LRCH1: variants seen among roughly 807,000 people sequenced by gnomAD.
LRCH1 encodes the protein leucine rich repeats and calponin homology domain containing 1.
Under a neutral mutation model 94.9 loss-of-function variants are expected in LRCH1, and 23 were observed. That is an observed-to-expected ratio of 0.24 (90% CI 0.17 to 0.34). LRCH1 has a LOEUF of 0.34. Among genes scored for constraint, LRCH1 ranks in the 10% least tolerant of loss-of-function variants. The pLI is 1.00. For missense variants in LRCH1, 790 were observed against 945.9 expected, an observed-to-expected ratio of 0.84 and a Z score of 2.16; for synonymous variants, 364 against 354.9, an observed-to-expected ratio of 1.03 and a Z score of -0.29.
At position 46,683,732 on chromosome 13, in the gene LRCH1, C is replaced by T. The variant is rs192454571; in HGVS notation, c.685+1886C>T. ...AGATTTTTGTCTCTCTCTGGTTCCT[C>T]ATTTTCTTACCTTAAAAGCATTCCT... On this transcript the variant is annotated intron_variant, in intron 4 of 19. Transcript: ENST00000389797. 3.9e-3 allele frequency among the ~76,000 whole-genome samples: 590 copies of T among 152,266 alleles called. 2 individuals are homozygous for T. The highest frequency in any genetic ancestry group is 0.014 in the African/African-American group (572 of 41,564).
At chr13:46,713,567 T>C (rs948153597) in intron 15 of LRCH1, among the ~76,000 whole-genome samples, 1 of 152,234 alleles carries the variant, frequency 6.6e-6, no homozygotes, top group African/African-American at 2.4e-5. Context: ...GGTGTAATGG[T>C]TTCCTGGCAG....
intron 11 of LRCH1, 59 bp downstream of exon 11, chr13:46,701,266 G>A: frequency 8.3e-7 from 1 of 1,206,678 alleles, no homozygotes; most frequent in Non-Finnish European, 1.2e-6. Context: ...AATGTATGGA[G>A]TACATTGTCT....
chr13:46,699,026 C>T (rs576724346), intron 9 of LRCH1, among the ~76,000 whole-genome samples: 1 of 152,326 alleles, frequency 6.6e-6, no homozygotes, highest in South Asian at 2.1e-4. Context: ...ACTGTAGACA[C>T]CTCATATAAG....
chr13:46,610,024 T>A (rs1435746822), intron 1 of LRCH1, among the ~76,000 whole-genome samples: 1 of 152,208 alleles, frequency 6.6e-6, no homozygotes. Flanking sequence ...ACTTTCTTTT[T>A]CTCCTTTTTG....
chr13:46,558,598 A>AAAAAAAAAAAAAAAAT (rs2050094662), intron 1 of LRCH1, among the ~76,000 whole-genome samples: 2 of 143,678 alleles, frequency 1.4e-5, no homozygotes, highest in African/African-American at 5.1e-5. Context: ...AAAAAAAAAA[A>AAAAAAAAAAAAAAAAT]GCTGGGTTCC....
Position 46,647,409 on chromosome 13 carries a change from C to T in LRCH1, c.308-2792C>T, listed in dbSNP as rs148642947. The stretch of plus-strand genomic sequence containing the variant: ...TTTTTTCATATGATTAAGAGCCATT[C>T]GTATATCATTTTCTGTGAGCCATCT... On this transcript the variant is annotated intron_variant, in intron 1 of 19. Transcript: ENST00000389797. Among the ~76,000 whole-genome samples, 23 of 152,010 alleles carry T rather than the reference C, an allele frequency of 1.5e-4. 1 individual carries two copies. In the East Asian group the frequency reaches 3.3e-3, roughly 22 times the overall value.
chr13:46,632,210 A>C (rs1376660501), intron 1 of LRCH1, among the ~76,000 whole-genome samples: 1 of 152,148 alleles, frequency 6.6e-6, no homozygotes, highest in Non-Finnish European at 1.5e-5. Context: ...CTAAAAAAAA[A>C]AAACAAACCT....
At chr13:46,594,696 C>T (rs531027890) in intron 1 of LRCH1, among the ~76,000 whole-genome samples, 1 of 152,158 alleles carries the variant, frequency 6.6e-6, no homozygotes, top group African/African-American at 2.4e-5. Flanking sequence ...CATATGAGTT[C>T]ATAAGTAGGA....
At chr13:46,684,710 A>G (rs1211468130) in intron 4 of LRCH1, among the ~76,000 whole-genome samples, 1 of 152,172 alleles carries the variant, frequency 6.6e-6, no homozygotes, top group Non-Finnish European at 1.5e-5. Flanking sequence ...TCATGATTCC[A>G]GGGTCCTCCA....
chr13:46,601,890 T>C (rs915621469), intron 1 of LRCH1, among the ~76,000 whole-genome samples: 3 of 152,240 alleles, frequency 2.0e-5, no homozygotes, highest in South Asian at 2.1e-4. Flanking sequence ...TTGGACTTTG[T>C]AGCTGCTTTC....
rs575563604 is a variant in LRCH1 at position 46,601,212 on chromosome 13, C to T, written c.307+47509C>T. Reference sequence around the variant, plus strand: ...TTCCTCAGAGCCCGCAGCATGATTCCTTGTGTGGAGAATATGCATCAGCCT... The same window carrying T: ...TTCCTCAGAGCCCGCAGCATGATTCTTTGTGTGGAGAATATGCATCAGCCT... On this transcript the variant is annotated intron_variant, in intron 1 of 19. Coordinates refer to ENST00000389797, the MANE Select transcript of LRCH1 (RefSeq NM_001164211.2). 3.3e-5 allele frequency among the ~76,000 whole-genome samples: 5 copies of T among 152,280 alleles called. No homozygotes were observed. In the East Asian group the frequency reaches 9.6e-4, roughly 29 times the overall value.
At chr13:46,617,243 C>T (rs1233440750) in intron 1 of LRCH1, among the ~76,000 whole-genome samples, 3 of 152,108 alleles carry the variant, frequency 2.0e-5, no homozygotes, top group Non-Finnish European at 4.4e-5. Context: ...GTCAGCCCTT[C>T]ATTTCAGGCA....
At position 46,673,746 on chromosome 13, in the gene LRCH1, A is replaced by ATTT. The variant is rs546225715; in HGVS notation, c.579+4614_579+4616dup. On this transcript the variant is annotated intron_variant, in intron 3 of 19. Coordinates refer to ENST00000389797, the MANE Select transcript of LRCH1 (RefSeq NM_001164211.2). ...TTAGACTCAGAGTATTCCAAATGGA[A>ATTT]TTTTTTTTTTTTTTTTTTTTTTTTT... is the stretch of plus-strand genomic sequence containing the variant. Among the ~76,000 whole-genome samples the ATTT allele has an allele frequency of 7.4e-5, 8 of 108,268 alleles. 1 individual carries two copies. The highest frequency in any genetic ancestry group is 2.2e-4 in the African/African-American group (6 of 27,292). The allele number at this position is 108,268 out of a possible 152,430, so 71.0% of individuals were successfully genotyped here.
intron 1 of LRCH1, among the ~76,000 whole-genome samples, chr13:46,633,343 A>G (rs901900220): frequency 6.6e-6 from 1 of 152,226 alleles, no homozygotes; most frequent in Non-Finnish European, 1.5e-5. Flanking sequence ...TTTCTAAAGC[A>G]TGGATCGTGT....
intron 2 of LRCH1, among the ~76,000 whole-genome samples, chr13:46,665,341 G>C (rs1228055730): frequency 6.6e-6 from 1 of 152,062 alleles, no homozygotes; most frequent in African/African-American, 2.4e-5. Context: ...TACTCTAAAA[G>C]TAAAACCAGA....
At chr13:46,577,418 C>T (rs1028568546) in intron 1 of LRCH1, among the ~76,000 whole-genome samples, 4 of 152,194 alleles carry the variant, frequency 2.6e-5, no homozygotes, top group African/African-American at 4.8e-5. Flanking sequence ...CTTTTAAAGG[C>T]ATCACCTAAT....
At chr13:46,726,281 A>G (rs541721105) in intron 17 of LRCH1, among the ~76,000 whole-genome samples, 73 of 152,326 alleles carry the variant, frequency 4.8e-4, no homozygotes, top group Non-Finnish European at 6.5e-4. Context: ...TGGAAGGTAA[A>G]GAGAAGAAGA....
chr13:46,587,593 C>T (rs1289930013), intron 1 of LRCH1, among the ~76,000 whole-genome samples: 2 of 152,188 alleles, frequency 1.3e-5, no homozygotes, highest in Non-Finnish European at 2.9e-5. Context: ...GAACGAGTCT[C>T]TTTTTAGTAA....
At chr13:46,573,352 G>A (rs2050261559) in intron 1 of LRCH1, among the ~76,000 whole-genome samples, 1 of 152,194 alleles carries the variant, frequency 6.6e-6, no homozygotes, top group South Asian at 2.1e-4. Context: ...CTAGACAGGA[G>A]TGAACAAAAC....
Sources: allele counts gnomAD v4.1 joint callset (sites outside exome capture counted in the v4.1 genomes callset), GRCh38; gene constraint gnomAD v4.1.1; transcripts MANE v1.5; gene names NCBI Gene and HGNC (gene_info 2026-07-23, HGNC 2026-07-21).